DNER: variants seen among roughly 807,000 people sequenced by gnomAD.
DNER encodes the protein delta and Notch-like epidermal growth factor-related receptor.
In DNER, 33 loss-of-function variants were observed where a neutral mutation model predicts 78.2. That is an observed-to-expected ratio of 0.42 (90% CI 0.32 to 0.56). The LOEUF is 0.56. Among genes scored for constraint, DNER ranks in the 20% least tolerant of loss-of-function variants. The pLI is 0.11. For missense variants in DNER, 918 were observed against 975.3 expected (o/e 0.94, Z 0.78); for synonymous variants, 417 against 384.8 (o/e 1.08, Z -0.98).
At chr2:229,479,700 G>A (rs1695112490) in intron 6 of DNER, among the ~76,000 whole-genome samples, 1 of 145,236 alleles carries the variant, frequency 6.9e-6, no homozygotes, top group African/African-American at 2.5e-5. Context: ...ACAATGGAGT[G>A]AGACTTTGTC....
intron 4 of DNER, among the ~76,000 whole-genome samples, chr2:229,563,504 C>T (rs1230741789): frequency 3.3e-5 from 5 of 149,884 alleles, no homozygotes; most frequent in African/African-American, 7.5e-5. Flanking sequence ...CCATCATCAT[C>T]ATCAACATCA....
At chr2:229,514,576 C>T (rs1293940320) in intron 5 of DNER, among the ~76,000 whole-genome samples, 4 of 152,192 alleles carry the variant, frequency 2.6e-5, no homozygotes, top group African/African-American at 9.7e-5. Context: ...CTGATTCAAC[C>T]TTATGCTCCT....
chr2:229,436,629 T>C (rs935348730), intron 8 of DNER, among the ~76,000 whole-genome samples: 2 of 151,912 alleles, frequency 1.3e-5, no homozygotes, highest in African/African-American at 2.4e-5. Flanking sequence ...CCAGAAGAGA[T>C]TGGGGACCTG....
chr2:229,517,436 A>G (rs1696002600), intron 5 of DNER, among the ~76,000 whole-genome samples: 1 of 152,246 alleles, frequency 6.6e-6, no homozygotes, highest in African/African-American at 2.4e-5. Context: ...AACCGGATGT[A>G]CTGAGAAAGT....
In DNER at chr2:229,611,219, A is replaced by AT. The variant is rs1238014653; in HGVS notation, c.277-19332dup. Among the ~76,000 whole-genome samples the AT allele has an allele frequency of 2.0e-5, 3 of 152,272 alleles. No homozygotes were observed. In the East Asian group the frequency reaches 5.8e-4, roughly 29 times the overall value. On this transcript the variant is annotated intron_variant, in intron 1 of 12. Transcript: ENST00000341772. Reference sequence around the variant, plus strand: ...ATTTTTTTCTTTCAATTTATGTGTTATTTTTTTCAAACAGCTACGAAGTCA... The same window carrying AT: ...ATTTTTTTCTTTCAATTTATGTGTTATTTTTTTTCAAACAGCTACGAAGTCA...
chr2:229,675,813 G>T (rs183635375), intron 1 of DNER, among the ~76,000 whole-genome samples: 4 of 152,278 alleles, frequency 2.6e-5, no homozygotes, highest in Admixed American at 2.0e-4. Context: ...CCCAAGGCTC[G>T]TGCTCAGCAG....
At chr2:229,389,939 C>T (rs207669) in intron 10 of DNER, among the ~76,000 whole-genome samples, 1 of 152,218 alleles carries the variant, frequency 6.6e-6, no homozygotes, top group Non-Finnish European at 1.5e-5. Flanking sequence ...AAATTGATTG[C>T]CTATTTCAAA....
chr2:229,568,470 T>C (rs1697154431), intron 4 of DNER, among the ~76,000 whole-genome samples: 1 of 152,230 alleles, frequency 6.6e-6, no homozygotes, highest in Non-Finnish European at 1.5e-5. Flanking sequence ...GGCTTATTTG[T>C]AGGAGTCAAT....
At chr2:229,418,360 C>G (rs1574834640) in intron 8 of DNER, 130 bp from the exon 9 acceptor site, 2 of 1,284,744 alleles carry the variant, frequency 1.6e-6, no homozygotes, top group Non-Finnish European at 2.1e-6. Context: ...ATTTCAGGAG[C>G]TAGATCTCTT....
chr2:229,510,120 C>G (rs1052014245), intron 6 of DNER, among the ~76,000 whole-genome samples: 5 of 142,904 alleles, frequency 3.5e-5, no homozygotes, highest in Admixed American at 2.9e-4. Flanking sequence ...AGAGATCAAG[C>G]TATTACAGAG....
intron 6 of DNER, among the ~76,000 whole-genome samples, chr2:229,506,003 G>A (rs999450110): frequency 6.6e-6 from 1 of 152,148 alleles, no homozygotes; most frequent in Admixed American, 6.5e-5. Context: ...CATAACAGAT[G>A]ACTGTTTCGT....
intron 5 of DNER, among the ~76,000 whole-genome samples, chr2:229,516,453 A>G (rs1024768316): frequency 1.3e-5 from 2 of 152,256 alleles, no homozygotes; most frequent in Admixed American, 6.5e-5. Context: ...ACTTAAAATT[A>G]GCAGCTTAGC....
intron 6 of DNER, among the ~76,000 whole-genome samples, chr2:229,485,586 C>T (rs1453578546): frequency 6.6e-6 from 1 of 151,988 alleles, no homozygotes; most frequent in African/African-American, 2.4e-5. Flanking sequence ...ACAAAAAATC[C>T]CCCCACCAAC....
At chr2:229,557,690 G>A (rs1357727481) in intron 4 of DNER, among the ~76,000 whole-genome samples, 2 of 151,388 alleles carry the variant, frequency 1.3e-5, no homozygotes, top group African/African-American at 4.9e-5. Flanking sequence ...GAAGGGTGAT[G>A]GGAAAAGAAA....
At chr2:229,570,240 A>G (rs1301241667) in intron 4 of DNER, among the ~76,000 whole-genome samples, 1 of 152,232 alleles carries the variant, frequency 6.6e-6, no homozygotes, top group East Asian at 1.9e-4. Flanking sequence ...GAAATAAGTC[A>G]TTTTGATGCA....
At chr2:229,660,193 GT>G (rs1021514318) in intron 1 of DNER, among the ~76,000 whole-genome samples, 3 of 152,054 alleles carry the variant, frequency 2.0e-5, no homozygotes, top group African/African-American at 4.8e-5. Flanking sequence ...GGGTCACGGT[GT>G]TTTTTTGTAC....
intron 1 of DNER, among the ~76,000 whole-genome samples, chr2:229,628,366 C>A (rs1197678952): frequency 6.6e-6 from 1 of 152,144 alleles, no homozygotes; most frequent in Non-Finnish European, 1.5e-5. Context: ...GAATGTCCAA[C>A]CCATAAAATT....
intron 9 of DNER, among the ~76,000 whole-genome samples, chr2:229,408,322 A>G (rs1047576413): frequency 7.2e-5 from 11 of 152,144 alleles, no homozygotes; most frequent in Admixed American, 4.6e-4. Flanking sequence ...AACTTTAAAA[A>G]TCTAATGCTA....
intron 1 of DNER, among the ~76,000 whole-genome samples, chr2:229,596,284 C>T (rs1489245958): frequency 6.6e-6 from 1 of 152,196 alleles, no homozygotes; most frequent in Non-Finnish European, 1.5e-5. Context: ...TTCTCCAAGG[C>T]CCAGTCTCAG....
Sources: gnomAD v4.1 joint callset for allele counts (sites outside exome capture counted in the v4.1 genomes callset) on GRCh38, gnomAD v4.1.1 for gene constraint, MANE v1.5 for transcripts, NCBI Gene and HGNC (gene_info 2026-07-23, HGNC 2026-07-21) for gene names.